Variants in STXBP5 observed in about 807,000 individuals in gnomAD.
STXBP5 encodes the protein syntaxin-binding protein 5.
Under a neutral mutation model 152.4 loss-of-function variants are expected in STXBP5, and 50 were observed. The observed-to-expected ratio is 0.33, with a 90% CI of 0.26 to 0.42. The LOEUF is 0.42. STXBP5 is among the 10% of genes least tolerant of loss of function. STXBP5 has a pLI of 1.00. For missense variants in STXBP5, 1,167 were observed against 1,388.6 expected (o/e 0.84, Z 2.54); for synonymous variants, 492 against 494.7 (o/e 0.99, Z 0.07).
At chr6:147,356,548 A>G (rs930391220) in intron 22 of STXBP5, among the ~76,000 whole-genome samples, 6 of 151,900 alleles carry the variant, frequency 3.9e-5, no homozygotes, top group African/African-American at 1.4e-4. Context: ...TTTCTACCGT[A>G]TCATAATTTG....
intron 9 of STXBP5, among the ~76,000 whole-genome samples, chr6:147,309,619 C>T (rs952038999): frequency 2.0e-5 from 3 of 152,026 alleles, no homozygotes; most frequent in Non-Finnish European, 4.4e-5. Context: ...TGAGTGACTT[C>T]GCAGTTCTCT....
intron 26 of STXBP5, among the ~76,000 whole-genome samples, chr6:147,376,747 G>T (rs1203381782): frequency 2.6e-5 from 4 of 152,024 alleles, no homozygotes; most frequent in African/African-American, 9.7e-5. Context: ...GGAGTTTGAG[G>T]CTGTAATGAG....
At chr6:147,274,021 A>T (rs1406155380) in intron 7 of STXBP5, among the ~76,000 whole-genome samples, 3 of 150,972 alleles carry the variant, frequency 2.0e-5, no homozygotes, top group East Asian at 1.9e-4. Context: ...CTTTAAATGA[A>T]TTTTTTTTTG....
At chr6:147,369,417 T>G (rs1785442972) in intron 25 of STXBP5, among the ~76,000 whole-genome samples, 3 of 152,004 alleles carry the variant, frequency 2.0e-5, no homozygotes, top group African/African-American at 7.2e-5. Flanking sequence ...GGGAAAAGAT[T>G]TATTAGCCAT....
chr6:147,237,350 T>C (rs908398067), intron 3 of STXBP5, among the ~76,000 whole-genome samples: 18 of 152,040 alleles, frequency 1.2e-4, no homozygotes, highest in African/African-American at 4.3e-4. Flanking sequence ...AATCTGACAA[T>C]TAGGTGCACC....
In STXBP5 at chr6:147,324,983, G is replaced by C. The variant is rs1262897665; in HGVS notation, c.1827G>C (p.Gln609His). ...GAGTTAAAAACTCACCACTTAAACA[G>C]TCTCCAGGTTATCAAACAGAACTAG... is the stretch of plus-strand genomic sequence containing the variant. ...CLKVKNSPLK[Q>H]SPGYQTELVI... Residue 609 changes from glutamine (Q) to histidine (H), a missense_variant, in exon 17 of 28, where the codon CAG becomes CAC. Gln to His is a conservative substitution (Grantham distance 24, BLOSUM62 0). This residue lies in a region of STXBP5 where 833 missense variants were observed against 986.3 expected (regional missense o/e 0.84). Coordinates refer to ENST00000321680, the MANE Select transcript of STXBP5 (RefSeq NM_001127715.4). The C allele has an allele frequency of 6.3e-7, 1 of 1,590,488 alleles. No homozygotes were observed. The highest frequency in any genetic ancestry group is 8.6e-7 in the Non-Finnish European group (1 of 1,165,952).
At chr6:147,234,470 T>C (rs945653091) in intron 2 of STXBP5, among the ~76,000 whole-genome samples, 1 of 151,944 alleles carries the variant, frequency 6.6e-6, no homozygotes, top group African/African-American at 2.4e-5. Flanking sequence ...TCGCTACTTC[T>C]AGTTATGTGA....
At chr6:147,328,011 T>C (rs952624510) in intron 18 of STXBP5, among the ~76,000 whole-genome samples, 1 of 152,210 alleles carries the variant, frequency 6.6e-6, no homozygotes, top group African/African-American at 2.4e-5. Flanking sequence ...TATACCATTC[T>C]TAGATAGCTT....
At chr6:147,213,311 T>C (rs1431028296) in intron 2 of STXBP5, among the ~76,000 whole-genome samples, 1 of 151,006 alleles carries the variant, frequency 6.6e-6, no homozygotes, top group Non-Finnish European at 1.5e-5. Context: ...TGGAATACAG[T>C]GGCACAATCA....
chr6:147,361,379 A>T (rs1283283254), intron 23 of STXBP5, among the ~76,000 whole-genome samples: 1 of 152,186 alleles, frequency 6.6e-6, no homozygotes, highest in Admixed American at 6.5e-5. Context: ...CTGTAAAGTG[A>T]ATACAAAAAT....
At chr6:147,307,909 C>T (rs1001286214) in intron 9 of STXBP5, among the ~76,000 whole-genome samples, 5 of 152,168 alleles carry the variant, frequency 3.3e-5, no homozygotes, top group African/African-American at 9.7e-5. Flanking sequence ...ATTGTATAAA[C>T]TGGTCACCTA....
chr6:147,373,958 T>A (rs994866469), intron 26 of STXBP5, 116 bp downstream of exon 26: 1 of 593,832 alleles, frequency 1.7e-6, no homozygotes, highest in African/African-American at 1.9e-5. Context: ...ACAATTACTA[T>A]TTCCATGTTT....
rs185117716 is a variant in STXBP5, at chr6:147,231,576, A to T, written c.249-3674A>T. On this transcript the variant is annotated intron_variant, in intron 2 of 27. Coordinates refer to ENST00000321680, the MANE Select transcript of STXBP5 (RefSeq NM_001127715.4). ...TTGAAGTTTAGAGTTACAAGCTAAG[A>T]TACAGTGACAGAAAAATATATTTAC... Among the ~76,000 whole-genome samples, 1,103 of 152,034 alleles carry T rather than the reference A, an allele frequency of 7.3e-3. 14 individuals are homozygous for T. Among genetic ancestry groups the T allele is most frequent in the African/African-American group, 0.025 (1,058 of 41,550 alleles).
intron 9 of STXBP5, among the ~76,000 whole-genome samples, chr6:147,303,152 A>G (rs1039917706): frequency 4.6e-5 from 7 of 152,260 alleles, no homozygotes; most frequent in African/African-American, 1.4e-4. Context: ...TGTTTTGTCA[A>G]TTTAGTACTG....
At chr6:147,280,627 A>G (rs987824315) in intron 8 of STXBP5, among the ~76,000 whole-genome samples, 15 of 152,116 alleles carry the variant, frequency 9.9e-5, no homozygotes, top group African/African-American at 3.6e-4. Flanking sequence ...TATTACTGTG[A>G]TGGTTGCCAA....
intron 9 of STXBP5, among the ~76,000 whole-genome samples, chr6:147,297,230 G>A (rs1035498871): frequency 1.3e-5 from 2 of 152,146 alleles, no homozygotes; most frequent in African/African-American, 4.8e-5. Context: ...ACATGTAAGG[G>A]TATCTTCATT....
chr6:147,278,466 C>CT (rs1283737459), intron 8 of STXBP5, among the ~76,000 whole-genome samples: 1 of 152,106 alleles, frequency 6.6e-6, no homozygotes, highest in Non-Finnish European at 1.5e-5. Flanking sequence ...TATCATGTCT[C>CT]TAATAGTCCA....
chr6:147,234,469 C>G (rs912716342), intron 2 of STXBP5, among the ~76,000 whole-genome samples: 1 of 151,796 alleles, frequency 6.6e-6, no homozygotes, highest in Non-Finnish European at 1.5e-5. Flanking sequence ...TTCGCTACTT[C>G]TAGTTATGTG....
At position 147,363,563 on chromosome 6, in the gene STXBP5, T is replaced by C. The variant is rs1206826238; in HGVS notation, c.2774T>C (p.Val925Ala). Residue 925 changes from valine (V) to alanine (A), a missense_variant, in exon 24 of 28, where the codon GTA (valine) becomes GCA (alanine). Around this residue, in one of 3 missense-constraint regions of STXBP5, gnomAD observed 833 missense variants for 986.3 expected, o/e 0.84. Transcript: ENST00000321680. ...AVICSEKQAK[V>A]ISLPTQNCAY... ...ATATGTTCTGAAAAGCAAGCAAAAG[T>C]AATCTCACTGCCAACCCAGAACTGT... The C allele has an allele frequency of 6.2e-7, 1 of 1,614,146 alleles. No homozygotes were observed. The highest frequency in any genetic ancestry group is 8.5e-7 in the Non-Finnish European group (1 of 1,180,026).
Sources: gnomAD v4.1 joint callset for allele counts (sites outside exome capture counted in the v4.1 genomes callset) on GRCh38, gnomAD v4.1.1 for gene constraint, gnomAD v4.1.1 regional missense constraint, MANE v1.5 for transcripts, NCBI Gene and HGNC (gene_info 2026-07-23, HGNC 2026-07-21) for gene names.